TRIM27: variants seen among roughly 807,000 people sequenced by gnomAD.
The protein encoded by TRIM27 is zinc finger protein RFP.
Under a neutral mutation model 57.6 loss-of-function variants are expected in TRIM27, and 12 were observed. That is an observed-to-expected ratio of 0.21 (90% CI 0.13 to 0.34). The LOEUF is 0.34. Ranked by LOEUF, TRIM27 falls within the 10% of genes least tolerant of loss-of-function variation. The pLI is 1.00. For missense variants in TRIM27, 403 were observed against 656.8 expected (o/e 0.61, Z 4.22); for synonymous variants, 266 against 259.0 (o/e 1.03, Z -0.26).
rs772171350 is a variant in TRIM27 at position 28,921,872 on chromosome 6, T to C, written c.516+20A>G. The C allele has an allele frequency of 3.1e-6, 5 of 1,598,180 alleles. No homozygotes were observed. Among genetic ancestry groups the C allele is most frequent in the Admixed American group, 1.7e-5 (1 of 59,996 alleles). On this transcript the variant is annotated intron_variant, in intron 2 of 7. Transcript: ENST00000377199. ...AGGAGAGCACCAGCAGAACCAACTG[T>C]GAATTCCAACAACCCTTACCAAGAG...
chr6:28,916,445 G>A (rs1026598343), intron 3 of TRIM27, among the ~76,000 whole-genome samples: 5 of 151,812 alleles, frequency 3.3e-5, no homozygotes, highest in East Asian at 2.0e-4. Flanking sequence ...CCAACTACTC[G>A]GAAGGCTGAG....
At chr6:28,912,235 G>A (rs1773261777) in intron 3 of TRIM27, among the ~76,000 whole-genome samples, 1 of 151,660 alleles carries the variant, frequency 6.6e-6, no homozygotes, top group Non-Finnish European at 1.5e-5. Flanking sequence ...TCAGCCTCCT[G>A]AGTAGCTGGG....
Position 28,923,778 on chromosome 6 carries a change from C to G in TRIM27, c.-146G>C. 1.1e-6 allele frequency: 1 copy of G among 882,766 alleles called. No individual in the cohort carries two copies. The highest frequency in any genetic ancestry group is 1.7e-6 in the Non-Finnish European group (1 of 604,284). 54.7% of individuals were successfully genotyped at this position (882,766 alleles called of 1,614,324 possible). ...GCGCCTCCCGGGCCCGTATCCCAGA[C>G]GCGCCCGCGCACCGAAGGCTTGGAG... On this transcript the variant is annotated 5_prime_UTR_variant, in exon 1 of 8. Transcript: ENST00000377199.
At chr6:28,921,000 C>T (rs1047619610) in intron 2 of TRIM27, among the ~76,000 whole-genome samples, 1 of 152,142 alleles carries the variant, frequency 6.6e-6, no homozygotes, top group Non-Finnish European at 1.5e-5. Flanking sequence ...TCCCTCTTGG[C>T]GCTCATTTGT....
At chr6:28,906,528 A>G (rs1179397876) in intron 7 of TRIM27, 3 of 152,124 alleles carry the variant, frequency 2.0e-5, no homozygotes, top group Non-Finnish European at 4.4e-5. Flanking sequence ...CCTCTAAAAT[A>G]CCCTGCACAA....
rs773940456 is a variant in TRIM27 at position 28,909,055 on chromosome 6, G to A, written c.804C>T (p.Ile268=). 1 of 1,613,788 alleles carries A rather than the reference G, an allele frequency of 6.2e-7. No individual in the cohort carries two copies. The highest frequency in any genetic ancestry group is 1.1e-5 in the South Asian group (1 of 90,992). The part of the protein sequence containing the change: ...AERIRIPEPW[I]TPPDLQEKIH... ...TTTTCTCTTGCAAATCTGGAGGTGT[G>A]ATCCAAGGTTCAGGAATCCTGATTC... is the stretch of plus-strand genomic sequence containing the variant. Residue 268 remains isoleucine, a synonymous_variant, in exon 5 of 8, where the codon ATC becomes ATT. Transcript: ENST00000377199.
intron 3 of TRIM27, among the ~76,000 whole-genome samples, chr6:28,918,078 G>C (rs1186802724): frequency 6.6e-6 from 1 of 152,062 alleles, no homozygotes; most frequent in South Asian, 2.1e-4. Flanking sequence ...TGCCCACCTC[G>C]GCCTCCCAAA....
intron 2 of TRIM27, 61 bp downstream of exon 2, chr6:28,921,831 A>G (rs1307589688): frequency 7.4e-6 from 10 of 1,342,422 alleles, no homozygotes; most frequent in Non-Finnish European, 4.3e-6. Flanking sequence ...GGGAAGTAAC[A>G]TCAGCTCTAC....
In TRIM27 at chr6:28,904,821, T is replaced by C. The variant is rs532251852; in HGVS notation, c.947-156A>G. The C allele has an allele frequency of 4.8e-5, 29 of 598,240 alleles. No homozygotes were observed. The highest frequency in any genetic ancestry group is 4.4e-4 in the African/African-American group (24 of 54,270). 37.1% of individuals were successfully genotyped at this position (598,240 alleles called of 1,614,324 possible). ...TATTCTAAACTTCACATTTCAAAAA[T>C]TACTGCTTGGATTAGCTGGTTACCA... On this transcript the variant is annotated intron_variant, in intron 7 of 7. Coordinates refer to ENST00000377199, the MANE Select transcript of TRIM27 (RefSeq NM_006510.5). The surrounding 1 kb of genome is among the most constrained non-coding windows in gnomAD (Gnocchi z 6.1).
At position 28,923,457 on chromosome 6, in the gene TRIM27, G is replaced by T. The variant is rs2150497481; in HGVS notation, c.176C>A (p.Thr59Asn). 1.2e-6 allele frequency: 2 copies of T among 1,612,186 alleles called. No individual in the cohort carries two copies. Among genetic ancestry groups the T allele is most frequent in the Admixed American group, 1.7e-5 (1 of 59,956 alleles). The change falls in exon 1 of 8, where the codon ACC becomes AAC. Residue 59 changes from threonine to asparagine, a missense_variant. By Grantham distance (65) the Thr-to-Asn change is moderately conservative. Transcript: ENST00000377199. ...TNVSCPQCRE[T>N]FPQRHMRPNR... ...GGGCCGCATGTGCCTCTGCGGGAAG[G>T]TCTCCCGGCACTGCGGGCACGACAC...
chr6:28,915,231 TTCTC>T lies in TRIM27; in HGVS notation c.748-3517_748-3514del, dbSNP rs1364842842. 1.2e-4 allele frequency: 18 copies of T among 151,130 alleles called. No individual in the cohort carries two copies. The Admixed American group carries it at 1.2e-3, about 10-fold the overall frequency. 9.4% of individuals were successfully genotyped at this position (151,130 alleles called of 1,614,324 possible). A position where few individuals can be genotyped will look rare whatever the true frequency, so the allele number is the denominator to read the frequency against. ...CTTACTGAGTCCATGACTTCTTTCT[TTCTC>T]TCCTTTCCTCATCATCCACCTTCAG... is the stretch of plus-strand genomic sequence containing the variant. On this transcript the variant is annotated intron_variant, in intron 3 of 7. Transcript: ENST00000377199.
rs143877208 is a variant in TRIM27 at position 28,907,991 on chromosome 6, T to C, written c.920-729A>G. 1.0e-3 allele frequency: 179 copies of C among 174,954 alleles called. 1 individual carries two copies. The highest frequency in any genetic ancestry group is 1.7e-3 in the Non-Finnish European group (138 of 80,980). 10.8% of individuals were successfully genotyped at this position (174,954 alleles called of 1,614,324 possible). A position where few individuals can be genotyped will look rare whatever the true frequency, so the allele number is the denominator to read the frequency against. On this transcript the variant is annotated intron_variant, in intron 6 of 7. Coordinates refer to ENST00000377199, the MANE Select transcript of TRIM27 (RefSeq NM_006510.5). ...TCAAAGATTGTGGGGGTTTGTAATT[T>C]CTAATAATTAAGAGAAGGGTTTACC... is the stretch of plus-strand genomic sequence containing the variant.
chr6:28,922,465 A>C (rs1255233542), intron 1 of TRIM27, among the ~76,000 whole-genome samples: 1 of 152,220 alleles, frequency 6.6e-6, no homozygotes, highest in Non-Finnish European at 1.5e-5. Flanking sequence ...TGAAAGGTCC[A>C]TAAATGTTAA....
chr6:28,914,595 T>TGGGG (rs1773469669), intron 3 of TRIM27, among the ~76,000 whole-genome samples: 4 of 35,692 alleles, frequency 1.1e-4, no homozygotes, highest in African/African-American at 4.3e-4. Flanking sequence ...GGGGGGGGGA[T>TGGGG]GAGGGATAAC....
intron 3 of TRIM27, 121 bp from the exon 4 acceptor site, chr6:28,911,839 AG>A: frequency 1.1e-6 from 1 of 913,904 alleles, no homozygotes. Context: ...TAGGGAGAAA[AG>A]GATCACTGGA....
chr6:28,903,633 G>C lies in TRIM27; in HGVS notation c.*437C>G, dbSNP rs995475288. On this transcript the variant is annotated 3_prime_UTR_variant, in exon 8 of 8. Transcript: ENST00000377199. ...GGGATAAAGGGAGCCATGCTGACAG[G>C]GCCTTATTCCAGTCTAGGTTGTTAG... The C allele has an allele frequency of 1.6e-5, 4 of 246,522 alleles. No individual in the cohort carries two copies. In the South Asian group the frequency reaches 6.4e-4, roughly 39 times the overall value. The allele number at this position is 246,522 out of a possible 1,614,324, so 15.3% of individuals were successfully genotyped here. A position where few individuals can be genotyped will look rare whatever the true frequency, so the allele number is the denominator to read the frequency against.
chr6:28,905,096 G>C (rs995879205), intron 7 of TRIM27: 1 of 165,086 alleles, frequency 6.1e-6, no homozygotes, highest in African/African-American at 2.4e-5. Context: ...TTTTTGTAGA[G>C]ATGAGGTCTT....
intron 4 of TRIM27, among the ~76,000 whole-genome samples, 166 bp from the exon 5 acceptor site, chr6:28,909,254 T>C (rs146968695): frequency 0.018 from 2,807 of 152,244 alleles, 36 homozygotes; most frequent in African/African-American, 0.034. Context: ...ATTACAGGCA[T>C]GCGCCACCAT....
Position 28,904,946 on chromosome 6 carries a change from T to C in TRIM27, c.947-281A>G. On this transcript the variant is annotated intron_variant, in intron 7 of 7. Transcript: ENST00000377199. The surrounding 1 kb of genome is among the most constrained non-coding windows in gnomAD (Gnocchi z 6.1). ...CTGATTTTAAGAGATAGGGTCTTGC[T>C]CTGTTGCCTAGGCTGGAGCGCAGTG... 2 of 461,356 alleles carry C rather than the reference T, an allele frequency of 4.3e-6. No individual in the cohort carries two copies. The highest frequency in any genetic ancestry group is 7.7e-6 in the Non-Finnish European group (2 of 259,044). The allele number at this position is 461,356 out of a possible 1,614,324, so 28.6% of individuals were successfully genotyped here.
Sources: allele counts gnomAD v4.1 joint callset (sites outside exome capture counted in the v4.1 genomes callset), GRCh38; gene constraint gnomAD v4.1.1; non-coding constraint Gnocchi (gnomAD v3.1); transcripts MANE v1.5; gene names NCBI Gene and HGNC (gene_info 2026-07-23, HGNC 2026-07-21).